The following CNTNAP3 variants were observed in gnomAD, a reference collection of about 807,000 sequenced individuals.
The protein encoded by CNTNAP3 is contactin associated protein family member 3.
A neutral mutation model predicts 92.1 loss-of-function variants in CNTNAP3; 36 were observed. That is an observed-to-expected ratio of 0.39 (90% CI 0.30 to 0.52). The LOEUF (loss-of-function observed/expected upper bound fraction) is 0.52, where lower values mean the gene tolerates loss of function less well. Ranked by LOEUF, CNTNAP3 falls within the 20% of genes least tolerant of loss-of-function variation. The probability of loss-of-function intolerance (pLI) is 0.76; values close to 1 mark genes in which losing one functional copy is unlikely to be tolerated. For synonymous variants in CNTNAP3, 232 were observed against 422.3 expected, an observed-to-expected ratio of 0.55 and a Z score of 5.53; for missense variants, 534 against 1,069.6, an observed-to-expected ratio of 0.50 and a Z score of 6.98.
intron 13 of CNTNAP3, among the ~76,000 whole-genome samples, chr9:39,122,148 A>T (rs1481089630): frequency 2.6e-5 from 4 of 152,106 alleles, no homozygotes; most frequent in Non-Finnish European, 4.4e-5. Context: ...AGGTCAGGAG[A>T]TCGAGACCAT....
intron 10 of CNTNAP3, among the ~76,000 whole-genome samples, chr9:39,147,277 T>TGTTC (rs1279196163): frequency 6.6e-6 from 1 of 150,880 alleles, no homozygotes; most frequent in African/African-American, 2.5e-5. Context: ...TTTGTTTGTT[T>TGTTC]GTTAACAACA....
intron 13 of CNTNAP3, among the ~76,000 whole-genome samples, chr9:39,121,761 A>G (rs543599281): frequency 9.5e-5 from 14 of 147,310 alleles, no homozygotes; most frequent in Admixed American, 8.6e-4. Flanking sequence ...CAGAATAAAG[A>G]TAGGAAAAAA....
At position 39,071,600 on chromosome 9, in the gene CNTNAP3, C is replaced by G. The variant is rs1048356718; in HGVS notation, c.*2290G>C. Reference sequence around the variant, plus strand: ...TTATGTTACAAAAGGGTGTTACTTGCAACTAGCATCTATGTATCTAAATAA... The same window carrying G: ...TTATGTTACAAAAGGGTGTTACTTGGAACTAGCATCTATGTATCTAAATAA... On this transcript the variant is annotated 3_prime_UTR_variant, in exon 24 of 24. Transcript: ENST00000297668. Among the ~76,000 whole-genome samples, 4 of 152,146 alleles carry G rather than the reference C, an allele frequency of 2.6e-5. No individual in the cohort carries two copies. The East Asian group carries it at 5.8e-4, about 22-fold the overall frequency.
chr9:39,140,299 G>C (rs1443813773), intron 12 of CNTNAP3, among the ~76,000 whole-genome samples: 1 of 152,154 alleles, frequency 6.6e-6, no homozygotes, highest in African/African-American at 2.4e-5. Context: ...GTAGGAGCTA[G>C]AGAGATGCCT....
At position 39,252,950 on chromosome 9, in the gene CNTNAP3, GTA is replaced by G. The variant is rs1463434644; in HGVS notation, c.197-13766_197-13765del. Among the ~76,000 whole-genome samples, 9 of 6,712 alleles carry G rather than the reference GTA, an allele frequency of 1.3e-3. 3 individuals carry two copies. The highest frequency in any genetic ancestry group is 1.4e-3 in the African/African-American group (9 of 6,220). The allele number at this position is 6,712 out of a possible 152,430, so 4.4% of individuals were successfully genotyped here. ...TATGTACTGACATATGTGTGTGTGT[GTA>G]TATATATATATACACACACTCACAC... On this transcript the variant is annotated intron_variant, in intron 2 of 23. Transcript: ENST00000297668.
intron 18 of CNTNAP3, among the ~76,000 whole-genome samples, chr9:39,089,137 C>T (rs1192602343): frequency 0.031 from 2,589 of 82,214 alleles, 4 homozygotes; most frequent in East Asian, 0.062. Flanking sequence ...AGAGTATTTT[C>T]ACTCCCCTCC....
chr9:39,104,471 TACACATACACACACACACACAC>T (rs1826547877), intron 15 of CNTNAP3, among the ~76,000 whole-genome samples: 2 of 71,844 alleles, frequency 2.8e-5, no homozygotes, highest in African/African-American at 4.8e-5. Flanking sequence ...TTCCTGCACA[TACACATACACACACACACACAC>T]ACACACACAC....
chr9:39,114,033 T>TACACAC (rs765204575), intron 14 of CNTNAP3, among the ~76,000 whole-genome samples: 5,382 of 143,346 alleles, frequency 0.038, 154 homozygotes, highest in Non-Finnish European at 0.058. Context: ...TACACACATA[T>TACACAC]ATACACACAC....
At position 39,067,959 on chromosome 9, in the gene CNTNAP3, C is replaced by T. The variant is rs1236408690; in HGVS notation, c.*5931G>A. 6.6e-6 allele frequency among the ~76,000 whole-genome samples: 1 copy of T among 152,308 alleles called. No homozygotes were observed. The highest frequency in any genetic ancestry group is 2.4e-5 in the African/African-American group (1 of 41,488). Reference sequence around the variant, plus strand: ...ATTCATGGTTGTATGTGAACATGCACTCTCAGTGAGAGTAATATTGTCCCC... The same window carrying T: ...ATTCATGGTTGTATGTGAACATGCATTCTCAGTGAGAGTAATATTGTCCCC... On this transcript the variant is annotated 3_prime_UTR_variant, in exon 24 of 24. Transcript: ENST00000297668.
intron 12 of CNTNAP3, among the ~76,000 whole-genome samples, chr9:39,133,984 C>T (rs2778165): frequency 1.3e-5 from 2 of 152,076 alleles, no homozygotes; most frequent in Non-Finnish European, 2.9e-5. Context: ...AAGAAACATT[C>T]GTATGGGGAT....
chr9:39,095,354 G>A (rs1408409814), intron 18 of CNTNAP3, among the ~76,000 whole-genome samples: 6 of 151,564 alleles, frequency 4.0e-5, no homozygotes, highest in Admixed American at 6.6e-5. Flanking sequence ...GGAACTTCCA[G>A]TACTATGATA....
At chr9:39,149,390 C>G (rs909490967) in intron 10 of CNTNAP3, among the ~76,000 whole-genome samples, 5 of 151,830 alleles carry the variant, frequency 3.3e-5, no homozygotes, top group Non-Finnish European at 5.9e-5. Flanking sequence ...CGCTCTGTCG[C>G]CCAGGCTGGA....
chr9:39,140,383 AAATT>A (rs1448788199), intron 12 of CNTNAP3, 132 bp downstream of exon 12: 187 of 1,373,062 alleles, frequency 1.4e-4, no homozygotes, highest in Middle Eastern at 2.8e-4. Flanking sequence ...GTTGACAACA[AAATT>A]AATAAATATA....
intron 9 of CNTNAP3, among the ~76,000 whole-genome samples, chr9:39,152,225 C>T (rs935162618): frequency 2.3e-5 from 3 of 129,966 alleles, no homozygotes; most frequent in Non-Finnish European, 4.9e-5. Flanking sequence ...GTTTAGATTT[C>T]TATTTTAATA....
chr9:39,149,691 T>C (rs1346212733), intron 10 of CNTNAP3, 115 bp downstream of exon 10: 14 of 841,214 alleles, frequency 1.7e-5, no homozygotes, highest in Non-Finnish European at 2.6e-5. Context: ...TTTCATTCCC[T>C]CTCGAAAGAT....
chr9:39,122,277 C>A (rs1374137779), intron 13 of CNTNAP3, among the ~76,000 whole-genome samples: 1 of 152,238 alleles, frequency 6.6e-6, no homozygotes, highest in African/African-American at 2.4e-5. Context: ...ATGACGTGAA[C>A]CCAGGAGGCG....
At position 39,068,723 on chromosome 9, in the gene CNTNAP3, C is replaced by A. The variant is rs966996016; in HGVS notation, c.*5167G>T. Among the ~76,000 whole-genome samples the A allele has an allele frequency of 6.6e-6, 1 of 152,310 alleles. No individual in the cohort carries two copies. Among genetic ancestry groups the A allele is most frequent in the African/African-American group, 2.4e-5 (1 of 41,488 alleles). On this transcript the variant is annotated 3_prime_UTR_variant, in exon 24 of 24. Transcript: ENST00000297668. ...ACCTGAACTCTCAGCAACAGCTACT[C>A]CATTCAGAGACTTGCTAGGCTTCCT...
intron 23 of CNTNAP3, among the ~76,000 whole-genome samples, chr9:39,076,947 C>T (rs1825789023): frequency 6.7e-6 from 1 of 150,134 alleles, no homozygotes; most frequent in South Asian, 2.1e-4. Flanking sequence ...ACGAGCGAGA[C>T]TCCCTCTCAA....
chr9:39,086,458 T>C lies in CNTNAP3; in HGVS notation c.3354+258A>G, dbSNP rs1200045094. ...TTGAGTAAAGTAAAACAAATAGATATTTTGATATTTTAAATAGTAAAATAT... is the reference window on the plus strand; with the variant it reads ...TTGAGTAAAGTAAAACAAATAGATACTTTGATATTTTAAATAGTAAAATAT... On this transcript the variant is annotated intron_variant, in intron 20 of 23. Coordinates refer to ENST00000297668, the MANE Select transcript of CNTNAP3 (RefSeq NM_033655.5). 46 of 457,778 alleles carry C rather than the reference T, an allele frequency of 1.0e-4. 1 individual carries two copies. The Admixed American group carries it at 1.7e-3, about 16-fold the overall frequency. 28.4% of individuals were successfully genotyped at this position (457,778 alleles called of 1,614,324 possible).
Sources: allele counts gnomAD v4.1 joint callset (sites outside exome capture counted in the v4.1 genomes callset), GRCh38; gene constraint gnomAD v4.1.1; transcripts MANE v1.5; gene names NCBI Gene and HGNC (gene_info 2026-07-23, HGNC 2026-07-21).